CLSTN2: variants seen among roughly 807,000 people sequenced by gnomAD.
The protein encoded by CLSTN2 is calsyntenin-2.
A neutral mutation model predicts 101.2 loss-of-function variants in CLSTN2; 48 were observed. The observed-to-expected ratio is 0.47, with a 90% CI of 0.38 to 0.60. The LOEUF (loss-of-function observed/expected upper bound fraction) is 0.60. Ranked by LOEUF, CLSTN2 falls within the 20% of genes least tolerant of loss-of-function variation. The pLI, the probability that CLSTN2 is intolerant of heterozygous loss-of-function variation, is 0.00. For synonymous variants in CLSTN2, 481 were observed against 463.6 expected, an observed-to-expected ratio of 1.04 and a Z score of -0.48; for missense variants, 1,160 against 1,238.2, an observed-to-expected ratio of 0.94 and a Z score of 0.95.
chr3:140,298,873 G>A (rs946987293), intron 2 of CLSTN2, among the ~76,000 whole-genome samples: 1 of 152,158 alleles, frequency 6.6e-6, no homozygotes, highest in African/African-American at 2.4e-5. Context: ...GGCAAGGAAG[G>A]CCCTTCAACC....
At position 140,054,483 on chromosome 3, in the gene CLSTN2, G is replaced by A. The variant is rs533347475; in HGVS notation, c.109+119000G>A. On this transcript the variant is annotated intron_variant, in intron 1 of 16. Transcript: ENST00000458420. The stretch of plus-strand genomic sequence containing the variant: ...AGGTAAATAATTTGTCCAAGACCAC[G>A]CGGTCAGTAAGGGGTGGAGATGACT... Among the ~76,000 whole-genome samples the A allele has an allele frequency of 3.6e-4, 55 of 152,240 alleles. No homozygotes were observed. In the South Asian group the frequency reaches 6.4e-3, roughly 18 times the overall value.
chr3:140,030,937 G>T (rs546875917), intron 1 of CLSTN2, among the ~76,000 whole-genome samples: 1 of 152,316 alleles, frequency 6.6e-6, no homozygotes, highest in East Asian at 1.9e-4. Flanking sequence ...ATGCACCCCA[G>T]ATGAATGGGC....
In CLSTN2 at chr3:140,242,573, C is replaced by T. The variant is rs186797461; in HGVS notation, c.232+66500C>T. ...TAAGACAGAGTCATGGCCTGTACCC[C>T]TACTTTTTCCACTTGGTTGGGAACT... is the stretch of plus-strand genomic sequence containing the variant. On this transcript the variant is annotated intron_variant, in intron 2 of 16. Transcript: ENST00000458420. Among the ~76,000 whole-genome samples the T allele has an allele frequency of 5.0e-3, 762 of 152,270 alleles. 3 individuals carry two copies. Among genetic ancestry groups the T allele is most frequent in the Non-Finnish European group, 7.7e-3 (521 of 68,022 alleles).
intron 5 of CLSTN2, among the ~76,000 whole-genome samples, chr3:140,441,326 T>A (rs1394089238): frequency 6.6e-6 from 1 of 152,174 alleles, no homozygotes; most frequent in African/African-American, 2.4e-5. Flanking sequence ...CCAGGAATAG[T>A]CCTTTCCTTG....
intron 2 of CLSTN2, among the ~76,000 whole-genome samples, chr3:140,380,819 G>T (rs1301293677): frequency 6.6e-6 from 1 of 152,174 alleles, no homozygotes; most frequent in Non-Finnish European, 1.5e-5. Flanking sequence ...TTCCTTCTGG[G>T]GTCCTGTCTT....
intron 1 of CLSTN2, among the ~76,000 whole-genome samples, chr3:140,094,199 C>T (rs937100621): frequency 6.6e-6 from 1 of 152,146 alleles, no homozygotes; most frequent in African/African-American, 2.4e-5. Flanking sequence ...CAGATCTTCC[C>T]TGCTAAAAAC....
intron 2 of CLSTN2, among the ~76,000 whole-genome samples, chr3:140,190,720 A>G (rs556093060): frequency 6.6e-6 from 1 of 152,212 alleles, no homozygotes; most frequent in African/African-American, 2.4e-5. Flanking sequence ...ATTTGCTATT[A>G]CTGCTGACAT....
intron 1 of CLSTN2, among the ~76,000 whole-genome samples, chr3:139,966,113 T>C (rs1469090217): frequency 6.6e-6 from 1 of 152,156 alleles, no homozygotes; most frequent in African/African-American, 2.4e-5. Context: ...GAGAAAGACC[T>C]GGGCTCCACA....
intron 2 of CLSTN2, among the ~76,000 whole-genome samples, chr3:140,282,668 T>C (rs947539128): frequency 3.3e-5 from 5 of 152,130 alleles, no homozygotes; most frequent in African/African-American, 1.2e-4. Context: ...TCTTGGAGGG[T>C]ACTATTATCC....
chr3:139,996,342 GCT>G, intron 1 of CLSTN2, among the ~76,000 whole-genome samples: 1 of 152,250 alleles, frequency 6.6e-6, no homozygotes, highest in East Asian at 1.9e-4. Context: ...TGGGTAGGTG[GCT>G]GTCCACATTT....
At chr3:140,215,636 G>A (rs1457560114) in intron 2 of CLSTN2, among the ~76,000 whole-genome samples, 3 of 152,180 alleles carry the variant, frequency 2.0e-5, no homozygotes, top group Non-Finnish European at 4.4e-5. Flanking sequence ...AGTAGGTGGA[G>A]AGAGTCAGTA....
chr3:140,058,100 A>C (rs190724569), intron 1 of CLSTN2, among the ~76,000 whole-genome samples: 1 of 151,622 alleles, frequency 6.6e-6, no homozygotes, highest in African/African-American at 2.4e-5. Context: ...AAAAAAAAAA[A>C]TTTCAAAAAC....
chr3:140,411,331 A>C (rs2088360329), intron 4 of CLSTN2, among the ~76,000 whole-genome samples: 1 of 152,272 alleles, frequency 6.6e-6, no homozygotes, highest in Admixed American at 6.5e-5. Context: ...GAGACAAAGA[A>C]GGTCATTATA....
intron 1 of CLSTN2, among the ~76,000 whole-genome samples, chr3:139,951,304 G>T (rs1935289742): frequency 6.6e-6 from 1 of 152,136 alleles, no homozygotes; most frequent in African/African-American, 2.4e-5. Flanking sequence ...ACAGTAAATA[G>T]GTCTTTCTAA....
chr3:140,563,189 T>C lies in CLSTN2; in HGVS notation c.2468T>C (p.Ile823Thr), dbSNP rs760764358. The change falls in exon 15 of 17, where the codon ATC becomes ACC. Residue 823 changes from isoleucine to threonine, a missense_variant. Coordinates refer to ENST00000458420, the MANE Select transcript of CLSTN2 (RefSeq NM_022131.3). ...SVHHPESRSS[I>T]QHSSVVPSIA... Reference sequence around the variant, plus strand: ...CATCATCCTGAGTCCCGGAGTAGCATCCAGCACAGTTCAGGTAGGGTGCCC... The same window carrying C: ...CATCATCCTGAGTCCCGGAGTAGCACCCAGCACAGTTCAGGTAGGGTGCCC... The C allele has an allele frequency of 6.8e-6, 11 of 1,613,864 alleles. No homozygotes were observed. The African/African-American group carries it at 1.5e-4, about 22-fold the overall frequency.
At chr3:140,254,829 G>A (rs1334280250) in intron 2 of CLSTN2, among the ~76,000 whole-genome samples, 1 of 151,972 alleles carries the variant, frequency 6.6e-6, no homozygotes, top group Admixed American at 6.6e-5. Context: ...TTGACAAGAG[G>A]GACTTAAACT....
intron 1 of CLSTN2, among the ~76,000 whole-genome samples, chr3:140,032,836 C>T (rs546571868): frequency 6.6e-6 from 1 of 152,284 alleles, no homozygotes; most frequent in South Asian, 2.1e-4. Flanking sequence ...TACAAAATGG[C>T]AATTGAGGAT....
chr3:140,341,603 G>A (rs2087493634), intron 2 of CLSTN2, among the ~76,000 whole-genome samples: 1 of 152,208 alleles, frequency 6.6e-6, no homozygotes, highest in Admixed American at 6.5e-5. Flanking sequence ...CCAGCAGTTT[G>A]GAGGACAGTC....
intron 2 of CLSTN2, among the ~76,000 whole-genome samples, chr3:140,250,583 G>A (rs1269702733): frequency 6.6e-6 from 1 of 152,214 alleles, no homozygotes; most frequent in East Asian, 1.9e-4. Flanking sequence ...CTTCCCTGGA[G>A]TGGTGTCAGA....
Sources: allele counts gnomAD v4.1 joint callset (sites outside exome capture counted in the v4.1 genomes callset), GRCh38; gene constraint gnomAD v4.1.1; transcripts MANE v1.5; gene names NCBI Gene and HGNC (gene_info 2026-07-23, HGNC 2026-07-21).